Variants in SCRG1 observed in about 807,000 individuals in gnomAD.
SCRG1 encodes stimulator of chondrogenesis 1.
In SCRG1, 3 loss-of-function variants were observed where a neutral mutation model predicts 7.7. The ratio of observed to expected loss-of-function variants is 0.39; its 90% CI spans 0.18 to 1.01. The LOEUF (loss-of-function observed/expected upper bound fraction) is 1.01. SCRG1 is among the 50% of genes least tolerant of loss of function. The pLI is 0.36. For missense variants in SCRG1, 110 were observed against 117.2 expected (o/e 0.94, Z 0.28); for synonymous variants, 46 against 41.2 (o/e 1.12, Z -0.44).
At chr4:173,490,965 CAGG>C in the SCRG1 span, among the ~76,000 whole-genome samples, 1 of 152,172 alleles carries the variant, frequency 6.6e-6, no homozygotes, top group African/African-American at 2.4e-5. Flanking sequence ...ACCTGCCCTG[CAGG>C]AGGAGGCCTG....
At chr4:173,448,603 A>T in the SCRG1 span, among the ~76,000 whole-genome samples, 1 of 152,242 alleles carries the variant, frequency 6.6e-6, no homozygotes, top group African/African-American at 2.4e-5. Context: ...CCTTAACATC[A>T]GCAAAATGAG....
intron 1 of SCRG1, among the ~76,000 whole-genome samples, chr4:173,398,632 AC>A (rs754845465): frequency 1.1e-4 from 17 of 152,194 alleles, no homozygotes; most frequent in Non-Finnish European, 2.2e-4. Context: ...AAAGCAAAAA[AC>A]ATTTTCTTTC....
At chr4:173,478,272 C>G in the SCRG1 span, among the ~76,000 whole-genome samples, 5 of 152,112 alleles carry the variant, frequency 3.3e-5, no homozygotes, top group Non-Finnish European at 7.3e-5. Context: ...ATCTCTTCAT[C>G]TTAATAATTC....
rs1410155676 is a variant in SCRG1 at position 173,391,266 on chromosome 4, T to A, written c.149A>T (p.Gln50Leu). The A allele has an allele frequency of 6.2e-7, 1 of 1,613,994 alleles. No homozygotes were observed. Among genetic ancestry groups the A allele is most frequent in the Admixed American group, 1.7e-5 (1 of 60,024 alleles). The change falls in exon 2 of 3, where the codon CAG becomes CTG. Residue 50 changes from glutamine to leucine, a missense_variant. By Grantham distance (113) the Gln-to-Leu change is moderately radical. Coordinates refer to ENST00000296506, the MANE Select transcript of SCRG1 (RefSeq NM_007281.4). ...NLPEGVADLTQIDVNVQDHFW... is the reference protein window; with the variant it reads ...NLPEGVADLTLIDVNVQDHFW... Reference sequence around the variant, plus strand: ...ATGATCCTGGACATTGACATCAATCTGTGTCAGGTCAGCTACTCCTTCCGG... The same window carrying A: ...ATGATCCTGGACATTGACATCAATCAGTGTCAGGTCAGCTACTCCTTCCGG...
At chr4:173,397,210 G>A (rs931609554) in intron 1 of SCRG1, among the ~76,000 whole-genome samples, 1 of 152,100 alleles carries the variant, frequency 6.6e-6, no homozygotes, top group African/African-American at 2.4e-5. Context: ...GGGATACATT[G>A]GTTGTTGTTT....
At chr4:173,492,837 T>C in the SCRG1 span, among the ~76,000 whole-genome samples, 18 of 152,352 alleles carry the variant, frequency 1.2e-4, no homozygotes, top group African/African-American at 3.6e-4. Context: ...AACTGCATCC[T>C]GATCTCTTAC....
the SCRG1 span, among the ~76,000 whole-genome samples, chr4:173,430,222 A>C: frequency 6.6e-6 from 1 of 152,210 alleles, no homozygotes; most frequent in African/African-American, 2.4e-5. Flanking sequence ...CTACTAGGAA[A>C]AGAGGAAGCA....
the SCRG1 span, among the ~76,000 whole-genome samples, chr4:173,463,421 C>G: frequency 6.6e-6 from 1 of 152,156 alleles, no homozygotes; most frequent in Admixed American, 6.5e-5. Context: ...ACCACAGGCA[C>G]ACGCCACCAT....
the SCRG1 span, among the ~76,000 whole-genome samples, chr4:173,504,044 G>A: frequency 6.6e-6 from 1 of 152,130 alleles, no homozygotes; most frequent in Non-Finnish European, 1.5e-5. This position sits in a 1 kb window ranked among gnomAD's most constrained non-coding sequence, Gnocchi z 4.7. Context: ...CTGGAGCACC[G>A]AACCCACTCA....
the SCRG1 span, among the ~76,000 whole-genome samples, chr4:173,483,699 C>CATATATA: frequency 0.057 from 64 of 1,126 alleles, 17 homozygotes; most frequent in African/African-American, 0.076. Flanking sequence ...TGTGATATAT[C>CATATATA]ATATATATGA....
the SCRG1 span, among the ~76,000 whole-genome samples, chr4:173,434,369 A>G: frequency 6.6e-6 from 1 of 152,190 alleles, no homozygotes; most frequent in South Asian, 2.1e-4. Context: ...AAAGGGAACT[A>G]AAGGAATCCT....
chr4:173,425,870 T>C, the SCRG1 span, among the ~76,000 whole-genome samples: 119 of 152,364 alleles, frequency 7.8e-4, no homozygotes, highest in African/African-American at 2.8e-3. Flanking sequence ...GCAATATTTA[T>C]TGAGCACTTA....
the SCRG1 span, among the ~76,000 whole-genome samples, chr4:173,456,511 C>T: frequency 2.0e-5 from 3 of 152,200 alleles, no homozygotes; most frequent in South Asian, 4.1e-4. Context: ...ACCTATAACA[C>T]ACACGTGCAT....
chr4:173,430,855 A>G, the SCRG1 span, among the ~76,000 whole-genome samples: 2 of 150,828 alleles, frequency 1.3e-5, no homozygotes, highest in African/African-American at 4.8e-5. Context: ...GAGAGAAAAT[A>G]CAGGGAAAAA....
upstream of SCRG1, among the ~76,000 whole-genome samples, chr4:173,407,776 A>G (rs1308938800): frequency 6.6e-6 from 1 of 152,216 alleles, no homozygotes; most frequent in African/African-American, 2.4e-5. Context: ...TGAACCTGCA[A>G]TTATTTTATG....
the SCRG1 span, among the ~76,000 whole-genome samples, chr4:173,464,530 T>C: frequency 2.0e-5 from 3 of 152,184 alleles, no homozygotes; most frequent in African/African-American, 7.2e-5. Flanking sequence ...TAAAAGTATA[T>C]AGGTGGGTGT....
At chr4:173,508,713 G>A in the SCRG1 span, among the ~76,000 whole-genome samples, 1 of 152,246 alleles carries the variant, frequency 6.6e-6, no homozygotes, top group Admixed American at 6.5e-5. The surrounding 1 kb of genome is among the most constrained non-coding windows in gnomAD (Gnocchi z 4.4). Context: ...TACCCAACCT[G>A]CCCCGGCCGA....
At chr4:173,451,489 T>C in the SCRG1 span, among the ~76,000 whole-genome samples, 1 of 151,912 alleles carries the variant, frequency 6.6e-6, no homozygotes, top group Non-Finnish European at 1.5e-5. Context: ...ACCAAGAAGA[T>C]AGCACGTTCT....
chr4:173,417,113 C>G, the SCRG1 span, among the ~76,000 whole-genome samples: 7 of 151,760 alleles, frequency 4.6e-5, no homozygotes, highest in Non-Finnish European at 1.0e-4. Flanking sequence ...CACACACACA[C>G]AGACACACAC....
Sources: gnomAD v4.1 joint callset for allele counts (sites outside exome capture counted in the v4.1 genomes callset) on GRCh38, gnomAD v4.1.1 for gene constraint, Gnocchi (gnomAD v3.1) non-coding constraint, MANE v1.5 for transcripts, NCBI Gene and HGNC (gene_info 2026-07-23, HGNC 2026-07-21) for gene names.